The following PLXNA4 variants were observed in gnomAD, a reference collection of about 807,000 sequenced individuals.
The protein encoded by PLXNA4 is plexin-A4.
Under a neutral mutation model 191.8 loss-of-function variants are expected in PLXNA4, and 44 were observed. The observed-to-expected ratio is 0.23, with a 90% confidence interval of 0.18 to 0.29. The LOEUF (loss-of-function observed/expected upper bound fraction) is 0.29. PLXNA4 is among the 10% of genes least tolerant of loss of function. The pLI, the probability that PLXNA4 is intolerant of heterozygous loss-of-function variation, is 1.00. For missense variants in PLXNA4, 1,800 were observed against 2,488.8 expected (o/e 0.72, Z 5.89); for synonymous variants, 1,082 against 1,009.5 (o/e 1.07, Z -1.36).
chr7:132,183,239 A>G (rs991251737), intron 16 of PLXNA4, among the ~76,000 whole-genome samples: 2 of 152,208 alleles, frequency 1.3e-5, no homozygotes, highest in Non-Finnish European at 2.9e-5. Flanking sequence ...CACACAGTGT[A>G]AGATTCCTGT....
chr7:132,162,912 T>C (rs768296410), intron 24 of PLXNA4, among the ~76,000 whole-genome samples: 14 of 152,134 alleles, frequency 9.2e-5, no homozygotes, highest in Non-Finnish European at 1.9e-4. Context: ...AGCCACAGGC[T>C]CTGGAATTTG....
intron 5 of PLXNA4, among the ~76,000 whole-genome samples, chr7:132,232,115 G>A (rs1018584074): frequency 1.3e-5 from 2 of 152,116 alleles, no homozygotes; most frequent in African/African-American, 4.8e-5. Context: ...ATGGTCTTCT[G>A]CTTTTCTAGG....
intron 2 of PLXNA4, among the ~76,000 whole-genome samples, chr7:132,617,615 T>C (rs1389725593): frequency 6.6e-6 from 1 of 152,138 alleles, no homozygotes; most frequent in Non-Finnish European, 1.5e-5. Flanking sequence ...TGGAAGAGTA[T>C]CTACATCACT....
chr7:132,425,726 A>G (rs1458352381), intron 3 of PLXNA4, among the ~76,000 whole-genome samples: 4 of 152,258 alleles, frequency 2.6e-5, no homozygotes, highest in Admixed American at 6.5e-5. Context: ...CAGAGAAGAA[A>G]GAAACATTTG....
chr7:132,536,868 G>A lies in PLXNA4; in HGVS notation c.-86-28089C>T, dbSNP rs890860110. Among the ~76,000 whole-genome samples the A allele has an allele frequency of 2.9e-4, 44 of 152,234 alleles. 1 individual carries two copies. The highest frequency in any genetic ancestry group is 9.9e-4 in the African/African-American group (41 of 41,458). On this transcript the variant is annotated intron_variant, in intron 1 of 31. Transcript: ENST00000321063. ...GCAGAAAGAGACAGTCATGAGGAAA[G>A]TATTTCTGAAGAAAAGCAGATTATT...
intron 3 of PLXNA4, among the ~76,000 whole-genome samples, chr7:132,334,252 C>CTTTCTTTTTTTT (rs1554417000): frequency 9.3e-5 from 7 of 75,614 alleles, no homozygotes; most frequent in African/African-American, 1.8e-4. Context: ...TTCTTTCTTT[C>CTTTCTTTTTTTT]TTTTTTTTTT....
chr7:132,641,600 G>A (rs1316452957), intron 2 of PLXNA4, among the ~76,000 whole-genome samples: 1 of 152,132 alleles, frequency 6.6e-6, no homozygotes, highest in Non-Finnish European at 1.5e-5. Flanking sequence ...AAAGCATTTT[G>A]TTGTCACTTT....
chr7:132,562,510 T>C (rs1375944745), intron 1 of PLXNA4, among the ~76,000 whole-genome samples: 140 of 65,134 alleles, frequency 2.1e-3, no homozygotes, highest in Non-Finnish European at 2.5e-3. Context: ...TCCTCCTCCT[T>C]CTCCTCCTCT....
chr7:132,422,316 T>A (rs1041609275), intron 3 of PLXNA4, among the ~76,000 whole-genome samples: 2 of 152,118 alleles, frequency 1.3e-5, no homozygotes, highest in Admixed American at 6.5e-5. Context: ...AAGATGAACA[T>A]CTATTTGGGA....
chr7:132,134,955 T>C (rs1044184161), intron 30 of PLXNA4, among the ~76,000 whole-genome samples: 1 of 152,166 alleles, frequency 6.6e-6, no homozygotes, highest in African/African-American at 2.4e-5. Flanking sequence ...GACACAGGGC[T>C]CTGAGTAATT....
intron 3 of PLXNA4, among the ~76,000 whole-genome samples, chr7:132,370,857 G>A (rs1370958767): frequency 1.3e-5 from 2 of 152,192 alleles, no homozygotes; most frequent in African/African-American, 2.4e-5. Flanking sequence ...GGCATACCAC[G>A]TCCCAGGAGT....
At chr7:132,343,922 AT>A (rs1419868232) in intron 3 of PLXNA4, among the ~76,000 whole-genome samples, 1 of 152,180 alleles carries the variant, frequency 6.6e-6, no homozygotes, top group Non-Finnish European at 1.5e-5. Flanking sequence ...CTCAAAAAAA[AT>A]AAGTAAATAA....
intron 3 of PLXNA4, among the ~76,000 whole-genome samples, chr7:132,419,051 C>A (rs758528189): frequency 2.6e-5 from 4 of 152,148 alleles, no homozygotes; most frequent in Non-Finnish European, 5.9e-5. Flanking sequence ...AGCTGTCAAT[C>A]AAAGGGTTGG....
At chr7:132,152,023 A>G (rs1795661135) in intron 25 of PLXNA4, among the ~76,000 whole-genome samples, 1 of 152,116 alleles carries the variant, frequency 6.6e-6, no homozygotes, top group Admixed American at 6.5e-5. Context: ...CAGGCCAGTT[A>G]TGGTCTCTAT....
At chr7:132,370,431 A>C (rs1360527840) in intron 3 of PLXNA4, among the ~76,000 whole-genome samples, 3 of 152,250 alleles carry the variant, frequency 2.0e-5, no homozygotes, top group African/African-American at 4.8e-5. Context: ...GAGGATGTCC[A>C]GCCCACAGCC....
intron 2 of PLXNA4, among the ~76,000 whole-genome samples, chr7:132,636,936 C>G (rs927561949): frequency 6.6e-6 from 1 of 152,144 alleles, no homozygotes; most frequent in African/African-American, 2.4e-5. Flanking sequence ...GGGAAGAATT[C>G]TGCTCCATCC....
Position 132,184,990 on chromosome 7 carries a change from A to G in PLXNA4, c.3158+309T>C, listed in dbSNP as rs1043252396. On this transcript the variant is annotated intron_variant, in intron 16 of 31. Transcript: ENST00000321063. The stretch of plus-strand genomic sequence containing the variant: ...TATGTCTACCAGAAGTGAGAAGAGT[A>G]GCCTGGCACCCCCAGCAGTCACTGC... Among the ~76,000 whole-genome samples the G allele has an allele frequency of 1.1e-4, 17 of 152,312 alleles. No homozygotes were observed. In the South Asian group the frequency reaches 1.7e-3, roughly 15 times the overall value.
At chr7:132,562,218 C>G (rs1190488448) in intron 1 of PLXNA4, among the ~76,000 whole-genome samples, 1 of 126,918 alleles carries the variant, frequency 7.9e-6, no homozygotes, top group East Asian at 2.6e-4. Flanking sequence ...CCTCCTCCTT[C>G]TCTTCCTCTT....
chr7:132,269,268 T>C (rs1799970290), intron 4 of PLXNA4, among the ~76,000 whole-genome samples: 1 of 152,176 alleles, frequency 6.6e-6, no homozygotes, highest in African/African-American at 2.4e-5. Flanking sequence ...ACACTGCCTG[T>C]TTTCTAGCTT....
Sources: gnomAD v4.1 joint callset for allele counts (sites outside exome capture counted in the v4.1 genomes callset) on GRCh38, gnomAD v4.1.1 for gene constraint, MANE v1.5 for transcripts, NCBI Gene and HGNC (gene_info 2026-07-23, HGNC 2026-07-21) for gene names.